The following CENPS variants were observed in gnomAD, a reference collection of about 807,000 sequenced individuals.
CENPS encodes the protein FANCM associated histone fold protein 1.
Under a neutral mutation model 17.9 loss-of-function variants are expected in CENPS, and 16 were observed. The ratio of observed to expected loss-of-function variants is 0.90; its 90% confidence interval spans 0.61 to 1.36. The LOEUF (loss-of-function observed/expected upper bound fraction) is 1.36. Ranked by LOEUF, CENPS falls within the 40% of genes most tolerant of loss-of-function variation. CENPS has a pLI of 0.00. For synonymous variants in CENPS, 49 were observed against 55.8 expected (o/e 0.88, Z 0.54); for missense variants, 160 against 158.6 (o/e 1.01, Z -0.05).
chr1:10,431,069 C>T (rs1388540979), intron 1 of CENPS: 6 of 1,370,098 alleles, frequency 4.4e-6, no homozygotes, highest in Non-Finnish European at 5.7e-6. Context: ...CTCTGCCCCG[C>T]CAACTTGTGA....
rs571706560 is a variant in CENPS, at chr1:10,430,773, G to A, written c.51+205G>A. The A allele has an allele frequency of 5.5e-5, 77 of 1,390,800 alleles. No individual in the cohort carries two copies. The African/African-American group carries it at 1.2e-3, about 21-fold the overall frequency. 86.2% of individuals were successfully genotyped at this position (1,390,800 alleles called of 1,614,324 possible). A position where few individuals can be genotyped will look rare whatever the true frequency, so the allele number is the denominator to read the frequency against. On this transcript the variant is annotated intron_variant, in intron 1 of 4. Transcript: ENST00000309048. ...ACGCGGCTGGACCCTGGCCTGCGCT[G>A]GCTGGGGAGGAAGCGGTTCTAGGGG...
chr1:10,431,880 C>T (rs565423023), intron 1 of CENPS, among the ~76,000 whole-genome samples: 36 of 149,596 alleles, frequency 2.4e-4, no homozygotes, highest in Non-Finnish European at 4.4e-4. Flanking sequence ...AAGGCATTCT[C>T]CTACTACATC....
rs966702596 is a variant in CENPS at position 10,442,528 on chromosome 1, G to C, written c.*123G>C. 5.0e-5 allele frequency: 66 copies of C among 1,332,726 alleles called. No individual in the cohort carries two copies. The African/African-American group carries it at 9.2e-4, about 19-fold the overall frequency. 82.6% of individuals were successfully genotyped at this position (1,332,726 alleles called of 1,614,324 possible). A position where few individuals can be genotyped will look rare whatever the true frequency, so the allele number is the denominator to read the frequency against. On this transcript the variant is annotated 3_prime_UTR_variant, in exon 5 of 5. Coordinates refer to ENST00000309048, the MANE Select transcript of CENPS (RefSeq NM_199294.3). ...TAAAAAAATAAAATAAAAAGGCTGGGCTAGGGTGCTTTTTGTGCTGAATTC... is the reference window on the plus strand; with the variant it reads ...TAAAAAAATAAAATAAAAAGGCTGGCCTAGGGTGCTTTTTGTGCTGAATTC...
At position 10,434,751 on chromosome 1, in the gene CENPS, C is replaced by T; in HGVS notation, c.209+61C>T. On this transcript the variant is annotated intron_variant, in intron 3 of 4. Coordinates refer to ENST00000309048, the MANE Select transcript of CENPS (RefSeq NM_199294.3). ...GTGTAGCTTTTTGGGGCCTCTCCAT[C>T]TGGTGGGTTATTTCAGGAGAGCTTT... The T allele has an allele frequency of 2.6e-6, 4 of 1,542,082 alleles. No homozygotes were observed. The East Asian group carries it at 9.7e-5, about 37-fold the overall frequency.
chr1:10,431,878 C>G (rs1288960911), intron 1 of CENPS, among the ~76,000 whole-genome samples: 1 of 145,608 alleles, frequency 6.9e-6, no homozygotes, highest in Non-Finnish European at 1.5e-5. Flanking sequence ...AAAAGGCATT[C>G]TCCTACTACA....
intron 1 of CENPS, among the ~76,000 whole-genome samples, chr1:10,433,016 C>T (rs1639990212): frequency 6.6e-6 from 1 of 152,184 alleles, no homozygotes; most frequent in African/African-American, 2.4e-5. Flanking sequence ...GCAGTTCCTC[C>T]TCCTCTTGCC....
intron 1 of CENPS, among the ~76,000 whole-genome samples, chr1:10,433,472 A>G (rs1640013646): frequency 6.6e-6 from 1 of 152,048 alleles, no homozygotes. Context: ...CCGGTTTTTC[A>G]TTGTTTCCCA....
intron 4 of CENPS, 139 bp downstream of exon 4, chr1:10,440,552 T>C: frequency 8.8e-7 from 1 of 1,138,314 alleles, no homozygotes; most frequent in East Asian, 2.8e-5. Flanking sequence ...CAGACCTGCC[T>C]GTAATTTACA....
intron 2 of CENPS, among the ~76,000 whole-genome samples, 157 bp from the exon 3 acceptor site, chr1:10,434,500 T>C (rs533262980): frequency 2.6e-5 from 4 of 152,322 alleles, no homozygotes; most frequent in East Asian, 3.9e-4. Flanking sequence ...TCTTATGGAA[T>C]GGTGGGGCTG....
intron 1 of CENPS, chr1:10,430,932 C>T (rs756835161): frequency 1.6e-6 from 2 of 1,248,992 alleles, no homozygotes; most frequent in Admixed American, 4.1e-5. Flanking sequence ...GACGCCCGTA[C>T]GCGGTGGGCG....
rs766542818 is a variant in CENPS at position 10,433,852 on chromosome 1, C to T, written c.62C>T (p.Ala21Val). 34 of 1,614,158 alleles carry T rather than the reference C, an allele frequency of 2.1e-5. No individual in the cohort carries two copies. Among genetic ancestry groups the T allele is most frequent in the Non-Finnish European group, 2.9e-5 (34 of 1,180,028 alleles). The change falls in exon 2 of 5, where the codon GCA becomes GTA. Residue 21 changes from alanine to valine, a missense_variant. Transcript: ENST00000309048. ...GATGTTTTTCCCCAGAGGCTAAAGGCAGCAGTTCACTATACTGTGGGTTGT... is the reference window on the plus strand; with the variant it reads ...GATGTTTTTCCCCAGAGGCTAAAGGTAGCAGTTCACTATACTGTGGGTTGT... ...QRFSYQQRLK[A>V]AVHYTVGCLC...
intron 4 of CENPS, 77 bp downstream of exon 4, chr1:10,440,490 A>G (rs1390609590): frequency 6.4e-7 from 1 of 1,571,998 alleles, no homozygotes; most frequent in African/African-American, 1.4e-5. Flanking sequence ...TGAAGCCATG[A>G]AGTTATTCCC....
At chr1:10,434,025 G>T in intron 2 of CENPS, 60 bp downstream of exon 2, 1 of 1,608,578 alleles carries the variant, frequency 6.2e-7, no homozygotes, top group South Asian at 1.1e-5. Flanking sequence ...TTTCACCTGG[G>T]AGCAGTGCGT....
intron 3 of CENPS, among the ~76,000 whole-genome samples, chr1:10,439,928 G>T (rs1031502702): frequency 6.6e-6 from 1 of 152,104 alleles, no homozygotes; most frequent in Non-Finnish European, 1.5e-5. Flanking sequence ...GGTTCTCTTT[G>T]TTCTTCTATT....
At chr1:10,438,581 G>A (rs1338835243) in intron 3 of CENPS, among the ~76,000 whole-genome samples, 2 of 152,284 alleles carry the variant, frequency 1.3e-5, no homozygotes, top group Non-Finnish European at 2.9e-5. Context: ...TAAAGCCCGT[G>A]TTACAAAGCG....
At chr1:10,430,941 C>T in intron 1 of CENPS, 1 of 1,238,984 alleles carries the variant, frequency 8.1e-7, no homozygotes, top group Non-Finnish European at 1.0e-6. Context: ...ACGCGGTGGG[C>T]GGTTCGGGCC....
intron 3 of CENPS, among the ~76,000 whole-genome samples, chr1:10,438,167 C>T (rs992988908): frequency 2.6e-5 from 4 of 151,954 alleles, no homozygotes; most frequent in South Asian, 2.1e-4. Flanking sequence ...TTTTTTGAGA[C>T]GGAGTCTCAC....
rs746629388 is a variant in CENPS at position 10,442,399 on chromosome 1, G to A, written c.411G>A (p.Glu137=). ...QPAEAGVVES[E]N is the part of the protein sequence containing the mutation. ...CAGAGGCTGGAGTGGTGGAAAGTGA[G>A]AATTAAAGTCCCTCGCCGCTTGGAA... The change falls in exon 5 of 5, where the codon GAG becomes GAA. Residue 137 remains glutamate (E), a synonymous_variant. Coordinates refer to ENST00000309048, the MANE Select transcript of CENPS (RefSeq NM_199294.3). The A allele has an allele frequency of 6.3e-7, 1 of 1,577,798 alleles. No individual in the cohort carries two copies. Among genetic ancestry groups the A allele is most frequent in the Non-Finnish European group, 8.5e-7 (1 of 1,169,686 alleles).
Position 10,430,536 on chromosome 1 carries a change from A to G in CENPS, c.19A>G (p.Thr7Ala), listed in dbSNP as rs1395083986. Residue 7 changes from threonine (T) to alanine (A), a missense_variant, in exon 1 of 5, where the codon ACC becomes GCC. Physicochemically the swap from Thr to Ala is moderately conservative, Grantham distance 58 (BLOSUM62 0). Transcript: ENST00000309048. ...CGCAGTGATGGAGGAGGAGGCGGAGACCGAGGAGCAGCAGCGATTCTCTTA... is the reference window on the plus strand; with the variant it reads ...CGCAGTGATGGAGGAGGAGGCGGAGGCCGAGGAGCAGCAGCGATTCTCTTA... MEEEAETEEQQRFSYQQ... is the reference protein window; with the variant it reads MEEEAEAEEQQRFSYQQ... 6.5e-7 allele frequency: 1 copy of G among 1,536,632 alleles called. No homozygotes were observed. Among genetic ancestry groups the G allele is most frequent in the African/African-American group, 1.4e-5 (1 of 70,396 alleles).
Sources: allele counts gnomAD v4.1 joint callset (sites outside exome capture counted in the v4.1 genomes callset), GRCh38; gene constraint gnomAD v4.1.1; transcripts MANE v1.5; gene names NCBI Gene and HGNC (gene_info 2026-07-23, HGNC 2026-07-21).